The following MX2 variants were observed in gnomAD, a reference collection of about 807,000 sequenced individuals.
MX2 encodes interferon-induced GTP-binding protein Mx2.
A neutral mutation model predicts 74.0 loss-of-function variants in MX2; 51 were observed. The ratio of observed to expected loss-of-function variants is 0.69; its 90% CI spans 0.55 to 0.87. The LOEUF is 0.87. MX2 is among the 40% of genes least tolerant of loss of function. The pLI, the probability that MX2 is intolerant of heterozygous loss-of-function variation, is 0.00. For synonymous variants in MX2, 369 were observed against 339.3 expected (o/e 1.09, Z -0.96); for missense variants, 832 against 908.7 (o/e 0.92, Z 1.09).
intron 1 of MX2, among the ~76,000 whole-genome samples, chr21:41,375,219 G>C (rs2089384661): frequency 6.6e-6 from 1 of 152,194 alleles, no homozygotes; most frequent in African/African-American, 2.4e-5. Flanking sequence ...CTGGAGCCTG[G>C]TTGGTTGGTA....
intron 1 of MX2, chr21:41,365,660 T>G (rs2089259071): frequency 6.6e-6 from 1 of 152,232 alleles, no homozygotes. Context: ...TCTATGTCTT[T>G]GCTATTGTAA....
chr21:41,406,991 A>G lies in MX2; in HGVS notation c.1898A>G (p.Tyr633Cys), dbSNP rs2089895395. ...FTEIGIHLNA[Y>C]FLETSKRLAN... Reference sequence around the variant, plus strand: ...GAAATAGGCATCCACCTGAATGCCTACTTCTTGGTGAGTTCCCGGCGGGGC... The same window carrying G: ...GAAATAGGCATCCACCTGAATGCCTGCTTCTTGGTGAGTTCCCGGCGGGGC... Residue 633 changes from tyrosine (Y) to cysteine (C), a missense_variant, in exon 13 of 14, where the codon TAC becomes TGC. Transcript: ENST00000330714. 1.9e-6 allele frequency: 3 copies of G among 1,611,312 alleles called. No homozygotes were observed. Among genetic ancestry groups the G allele is most frequent in the Non-Finnish European group, 2.5e-6 (3 of 1,177,608 alleles).
intron 4 of MX2, among the ~76,000 whole-genome samples, chr21:41,381,020 G>A (rs1407827169): frequency 1.3e-5 from 2 of 152,186 alleles, no homozygotes; most frequent in African/African-American, 4.8e-5. Flanking sequence ...TCTGAGCGGG[G>A]GCCCTTTAGA....
chr21:41,400,483 G>A (rs2089796620), intron 10 of MX2, among the ~76,000 whole-genome samples: 1 of 152,150 alleles, frequency 6.6e-6, no homozygotes, highest in Non-Finnish European at 1.5e-5. Context: ...CCAGGTTCCA[G>A]TAGGGCATGT....
intron 5 of MX2, among the ~76,000 whole-genome samples, chr21:41,384,092 G>A (rs570150093): frequency 6.6e-6 from 1 of 152,208 alleles, no homozygotes; most frequent in East Asian, 1.9e-4. Context: ...GCACTTTCTT[G>A]TTCTCGCACA....
intron 5 of MX2, among the ~76,000 whole-genome samples, chr21:41,387,763 C>T (rs545942224): frequency 1.3e-5 from 2 of 152,184 alleles, no homozygotes; most frequent in African/African-American, 4.8e-5. Flanking sequence ...CTCCAGCTGC[C>T]GATTCACCAG....
At chr21:41,404,648 C>G (rs987175405) in intron 12 of MX2, 3 of 152,120 alleles carry the variant, frequency 2.0e-5, no homozygotes, top group Non-Finnish European at 4.4e-5. Flanking sequence ...CTCTGACCAG[C>G]ACTCAGTGAA....
chr21:41,401,908 C>A (rs1328511949), intron 10 of MX2, 62 bp from the exon 11 acceptor site: 2 of 1,552,328 alleles, frequency 1.3e-6, no homozygotes, highest in African/African-American at 1.4e-5. Flanking sequence ...AAAACTGTTG[C>A]TAGCTTTACG....
chr21:41,398,818 G>C (rs1480854239), intron 8 of MX2, 79 bp from the exon 9 acceptor site: 20 of 1,552,106 alleles, frequency 1.3e-5, no homozygotes, highest in Admixed American at 3.8e-5. Context: ...GCTTTAAAGG[G>C]CTCCTACTCA....
intron 1 of MX2, among the ~76,000 whole-genome samples, chr21:41,367,988 G>T (rs2089282532): frequency 6.6e-6 from 1 of 152,172 alleles, no homozygotes; most frequent in African/African-American, 2.4e-5. Flanking sequence ...CTCACCAGCT[G>T]TCTTCTTGGT....
In MX2 at chr21:41,380,242, T is replaced by C; in HGVS notation, c.577+91T>C. On this transcript the variant is annotated intron_variant, in intron 4 of 13. Coordinates refer to ENST00000330714, the MANE Select transcript of MX2 (RefSeq NM_002463.2). The surrounding 1 kb of genome is among the most constrained non-coding windows in gnomAD (Gnocchi z 4.3). The stretch of plus-strand genomic sequence containing the variant: ...CCTCTTCCTCAAGTCACCCCCACAG[T>C]GACCACTCAGCTCCTAGCCCCATGT... The C allele has an allele frequency of 6.4e-7, 1 of 1,554,928 alleles. No individual in the cohort carries two copies. The highest frequency in any genetic ancestry group is 8.7e-7 in the Non-Finnish European group (1 of 1,143,008).
At chr21:41,406,423 AC>A (rs2089887110) in intron 12 of MX2, among the ~76,000 whole-genome samples, 3 of 152,212 alleles carry the variant, frequency 2.0e-5, no homozygotes, top group African/African-American at 7.2e-5. Flanking sequence ...GGAATGACTG[AC>A]ACCGTCCCAA....
rs773501556 is a variant in MX2, at chr21:41,388,321, TC to T, written c.733-2242del. ...TGGCCCCTCGCTCCACCCTACCACATCCGGGTTCTGCGGCCCTTGGTCCCTC... is the reference window on the plus strand; with the variant it reads ...TGGCCCCTCGCTCCACCCTACCACATCGGGTTCTGCGGCCCTTGGTCCCTC... On this transcript the variant is annotated intron_variant, in intron 5 of 13. Coordinates refer to ENST00000330714, the MANE Select transcript of MX2 (RefSeq NM_002463.2). This position sits in a 1 kb window ranked among gnomAD's most constrained non-coding sequence, Gnocchi z 4.0. Among the ~76,000 whole-genome samples, 2 of 152,190 alleles carry T rather than the reference TC, an allele frequency of 1.3e-5. No individual in the cohort carries two copies. Among genetic ancestry groups the T allele is most frequent in the Non-Finnish European group, 2.9e-5 (2 of 68,024 alleles).
At chr21:41,395,087 A>G (rs2089716698) in intron 6 of MX2, among the ~76,000 whole-genome samples, 2 of 152,128 alleles carry the variant, frequency 1.3e-5, no homozygotes, top group African/African-American at 4.8e-5. Flanking sequence ...ACATAAACAA[A>G]AAAGAGCACT....
intron 10 of MX2, chr21:41,401,165 A>G (rs2089808146): frequency 6.7e-6 from 1 of 148,922 alleles, no homozygotes; most frequent in Non-Finnish European, 1.5e-5. Context: ...GGGGACACAG[A>G]GCCAAACACA....
intron 1 of MX2, among the ~76,000 whole-genome samples, chr21:41,375,036 G>T (rs912614997): frequency 6.6e-6 from 1 of 151,950 alleles, no homozygotes; most frequent in Non-Finnish European, 1.5e-5. Context: ...AGCTCATTCC[G>T]ACCTCAGGAC....
chr21:41,407,232 C>T (rs979167318), intron 13 of MX2, among the ~76,000 whole-genome samples: 9 of 152,128 alleles, frequency 5.9e-5, no homozygotes, highest in Non-Finnish European at 7.4e-5. Context: ...AGTGGTAGAG[C>T]GTGTACTCAA....
At chr21:41,390,419 C>T (rs947277596) in intron 5 of MX2, 146 bp from the exon 6 acceptor site, 1 of 1,206,868 alleles carries the variant, frequency 8.3e-7, no homozygotes, top group Non-Finnish European at 1.2e-6. Context: ...CAGGCATTCC[C>T]AGGACGGGGC....
chr21:41,401,883 G>A (rs1384146456), intron 10 of MX2, 87 bp from the exon 11 acceptor site: 7 of 1,441,114 alleles, frequency 4.9e-6, no homozygotes, highest in Non-Finnish European at 5.7e-6. Flanking sequence ...CGTACAGTGG[G>A]GAGCAAGACT....
Sources: allele counts gnomAD v4.1 joint callset (sites outside exome capture counted in the v4.1 genomes callset), GRCh38; gene constraint gnomAD v4.1.1; non-coding constraint Gnocchi (gnomAD v3.1); transcripts MANE v1.5; gene names NCBI Gene and HGNC (gene_info 2026-07-23, HGNC 2026-07-21).